The following SMOC2 variants were observed in gnomAD, a reference collection of about 807,000 sequenced individuals.
The protein encoded by SMOC2 is SPARC-related modular calcium-binding protein 2.
A neutral mutation model predicts 61.4 loss-of-function variants in SMOC2; 39 were observed. The ratio of observed to expected loss-of-function variants is 0.64; its 90% CI spans 0.49 to 0.83. The LOEUF (loss-of-function observed/expected upper bound fraction) is 0.83. Ranked by LOEUF, SMOC2 falls within the 40% of genes least tolerant of loss-of-function variation. SMOC2 has a pLI of 0.00. For missense variants in SMOC2, 556 were observed against 592.9 expected, an observed-to-expected ratio of 0.94 and a Z score of 0.65; for synonymous variants, 247 against 239.9, an observed-to-expected ratio of 1.03 and a Z score of -0.27.
In SMOC2 at chr6:168,443,833, C is replaced by T. The variant is rs530582938; in HGVS notation, c.84+2379C>T. Among the ~76,000 whole-genome samples, 14 of 152,304 alleles carry T rather than the reference C, an allele frequency of 9.2e-5. No homozygotes were observed. The South Asian group carries it at 2.9e-3, about 32-fold the overall frequency. ...TCCATGCAGTGGGTGGGACCCACAG[C>T]TTAGGGTCTTGCTGGATGTGTGACT... On this transcript the variant is annotated intron_variant, in intron 1 of 12. Transcript: ENST00000356284.
chr6:168,575,111 C>T (rs1278943753), intron 7 of SMOC2, among the ~76,000 whole-genome samples: 1 of 152,152 alleles, frequency 6.6e-6, no homozygotes, highest in Non-Finnish European at 1.5e-5. Context: ...AAGGTTTGTG[C>T]GAAGCGCTGG....
chr6:168,535,094 C>T lies in SMOC2; in HGVS notation c.463+7367C>T, dbSNP rs983733262. ...CAAGCGATTCTCCTGCCTCTGCCTCCGGAGTAGCTGGGACTACAGGCACCC... is the reference window on the plus strand; with the variant it reads ...CAAGCGATTCTCCTGCCTCTGCCTCTGGAGTAGCTGGGACTACAGGCACCC... On this transcript the variant is annotated intron_variant, in intron 4 of 12. Coordinates refer to ENST00000356284, the MANE Select transcript of SMOC2 (RefSeq NM_001166412.2). The surrounding 1 kb of genome is among the most constrained non-coding windows in gnomAD (Gnocchi z 4.6). Among the ~76,000 whole-genome samples, 3 of 151,992 alleles carry T rather than the reference C, an allele frequency of 2.0e-5. No homozygotes were observed. Among genetic ancestry groups the T allele is most frequent in the South Asian group, 2.1e-4 (1 of 4,792 alleles).
chr6:168,498,614 G>A (rs1398809142), intron 1 of SMOC2, among the ~76,000 whole-genome samples: 1 of 152,272 alleles, frequency 6.6e-6, no homozygotes, highest in Non-Finnish European at 1.5e-5. Flanking sequence ...AGGCTGAGTG[G>A]TGAGAGAGCC....
chr6:168,570,770 C>A (rs773935466), intron 7 of SMOC2, among the ~76,000 whole-genome samples: 2 of 152,132 alleles, frequency 1.3e-5, no homozygotes, highest in East Asian at 1.9e-4. Flanking sequence ...GACTAAGAAG[C>A]GTATTTTAAG....
chr6:168,662,532 T>C (rs1291646909), intron 11 of SMOC2, among the ~76,000 whole-genome samples: 2 of 152,166 alleles, frequency 1.3e-5, no homozygotes, highest in Admixed American at 6.5e-5. Flanking sequence ...TGATGCCACA[T>C]GGGTGGATGG....
At chr6:168,599,376 ACACACC>A (rs529854187) in intron 8 of SMOC2, among the ~76,000 whole-genome samples, 81 of 133,120 alleles carry the variant, frequency 6.1e-4, no homozygotes, top group African/African-American at 2.3e-3. Flanking sequence ...ATCATACCAC[ACACACC>A]CACACTCACA....
chr6:168,600,407 CA>C (rs776962137), intron 8 of SMOC2, among the ~76,000 whole-genome samples: 41 of 24,316 alleles, frequency 1.7e-3, no homozygotes, highest in Admixed American at 3.6e-3. Context: ...AACTCTGCCT[CA>C]AAAAAAAAAA....
In SMOC2 at chr6:168,598,947, G is replaced by C; in HGVS notation, c.767G>C (p.Gly256Ala). ...CCAGTGCAGTGCCACCCCTCCACGG[G>C]GTACTGCTGGTGCGTCCTGGTGGAC... The part of the protein sequence containing the change: ...YKPVQCHPST[G>A]YCWCVLVDTG... The change falls in exon 8 of 13, where the codon GGG becomes GCG. Residue 256 changes from glycine to alanine, a missense_variant. Coordinates refer to ENST00000356284, the MANE Select transcript of SMOC2 (RefSeq NM_001166412.2). 1 of 1,613,478 alleles carries C rather than the reference G, an allele frequency of 6.2e-7. No individual in the cohort carries two copies. Among genetic ancestry groups the C allele is most frequent in the Non-Finnish European group, 8.5e-7 (1 of 1,179,646 alleles).
At chr6:168,496,627 C>T (rs1355684751) in intron 1 of SMOC2, among the ~76,000 whole-genome samples, 1 of 152,104 alleles carries the variant, frequency 6.6e-6, no homozygotes, top group Admixed American at 6.5e-5. Context: ...CTTCCTTGGC[C>T]GGCACCTGGA....
rs201583493 is a variant in SMOC2, at chr6:168,540,981, G to A, written c.464-2644G>A. Reference sequence around the variant, plus strand: ...CTTATGCAAACCACTGCCTCCATCAGCATAACACCGTTCCCTCCACTGGGC... The same window carrying A: ...CTTATGCAAACCACTGCCTCCATCAACATAACACCGTTCCCTCCACTGGGC... On this transcript the variant is annotated intron_variant, in intron 4 of 12. Coordinates refer to ENST00000356284, the MANE Select transcript of SMOC2 (RefSeq NM_001166412.2). Among the ~76,000 whole-genome samples the A allele has an allele frequency of 5.9e-5, 9 of 152,262 alleles. No individual in the cohort carries two copies. The East Asian group carries it at 1.7e-3, about 29-fold the overall frequency.
Position 168,549,205 on chromosome 6 carries a change from T to C in SMOC2, c.637+2T>C. 6.2e-7 allele frequency: 1 copy of C among 1,613,140 alleles called. No individual in the cohort carries two copies. The highest frequency in any genetic ancestry group is 8.5e-7 in the Non-Finnish European group (1 of 1,179,060). On this transcript the variant is annotated splice_donor_variant, in intron 7 of 12. Transcript: ENST00000356284. LOFTEE classifies it high-confidence loss of function. ...AGAACAAAACCAATAAGAATTCAGG[T>C]AAGATGCTGCCTGATGTCACTTTGT...
At chr6:168,443,208 T>TG (rs776789569) in intron 1 of SMOC2, among the ~76,000 whole-genome samples, 5 of 152,170 alleles carry the variant, frequency 3.3e-5, no homozygotes, top group Non-Finnish European at 7.3e-5. Context: ...CCTGTGTGTG[T>TG]GGGGGGTGGG....
Position 168,612,212 on chromosome 6 carries a change from C to T in SMOC2, c.907+3973C>T, listed in dbSNP as rs548878118. Among the ~76,000 whole-genome samples, 6 of 150,952 alleles carry T rather than the reference C, an allele frequency of 4.0e-5. No individual in the cohort carries two copies. In the East Asian group the frequency reaches 1.2e-3, roughly 30 times the overall value. On this transcript the variant is annotated intron_variant, in intron 9 of 12. Transcript: ENST00000356284. ...AAGAGCAGTGCTGGGTTCGTGATCTCCATCGGGGAGAGGGTGACTGCAGCC... is the reference window on the plus strand; with the variant it reads ...AAGAGCAGTGCTGGGTTCGTGATCTTCATCGGGGAGAGGGTGACTGCAGCC...
chr6:168,545,266 A>AG (rs1783965478), intron 5 of SMOC2, among the ~76,000 whole-genome samples: 1 of 152,044 alleles, frequency 6.6e-6, no homozygotes, highest in African/African-American at 2.4e-5. Flanking sequence ...TGTAAAAAAA[A>AG]AAAATCTAGA....
chr6:168,623,466 A>G lies in SMOC2; in HGVS notation c.907+15227A>G, dbSNP rs367860759. ...TCAGCCTCCGAGTAACTAGGACTAC[A>G]CACCACCCCACCTGGCTTATTTATT... On this transcript the variant is annotated intron_variant, in intron 9 of 12. Coordinates refer to ENST00000356284, the MANE Select transcript of SMOC2 (RefSeq NM_001166412.2). 4.1e-5 allele frequency among the ~76,000 whole-genome samples: 6 copies of G among 146,056 alleles called. No individual in the cohort carries two copies. In the South Asian group the frequency reaches 6.9e-4, roughly 17 times the overall value.
At chr6:168,573,883 C>T (rs2115146860) in intron 7 of SMOC2, among the ~76,000 whole-genome samples, 1 of 152,324 alleles carries the variant, frequency 6.6e-6, no homozygotes, top group African/African-American at 2.4e-5. Context: ...ATCTTATCTC[C>T]AGTGACTGTC....
rs191702023 is a variant in SMOC2, at chr6:168,449,726, C to G, written c.84+8272C>G. On this transcript the variant is annotated intron_variant, in intron 1 of 12. Coordinates refer to ENST00000356284, the MANE Select transcript of SMOC2 (RefSeq NM_001166412.2). Reference sequence around the variant, plus strand: ...TTAAGATTCTGGGCTGTCCAGCTCCCTGTGTGTGACAAGCACTTCTGGACC... The same window carrying G: ...TTAAGATTCTGGGCTGTCCAGCTCCGTGTGTGTGACAAGCACTTCTGGACC... Among the ~76,000 whole-genome samples, 6 of 152,316 alleles carry G rather than the reference C, an allele frequency of 3.9e-5. No individual in the cohort carries two copies. The East Asian group carries it at 1.2e-3, about 29-fold the overall frequency.
intron 8 of SMOC2, among the ~76,000 whole-genome samples, chr6:168,599,413 T>G (rs752303869): frequency 4.3e-5 from 1 of 23,052 alleles, no homozygotes; most frequent in Non-Finnish European, 9.3e-5. Flanking sequence ...CACACACACA[T>G]TCATACCCCC....
At chr6:168,485,846 G>A (rs150929432) in intron 1 of SMOC2, among the ~76,000 whole-genome samples, 490 of 152,280 alleles carry the variant, frequency 3.2e-3, no homozygotes, top group African/African-American at 0.011. Flanking sequence ...ATCTCAACAT[G>A]CATGGATTAG....
Sources: allele counts gnomAD v4.1 joint callset (sites outside exome capture counted in the v4.1 genomes callset), GRCh38; gene constraint gnomAD v4.1.1; non-coding constraint Gnocchi (gnomAD v3.1); transcripts MANE v1.5; gene names NCBI Gene and HGNC (gene_info 2026-07-23, HGNC 2026-07-21).